Variants in GPHN observed in about 807,000 individuals in gnomAD.
GPHN encodes the protein gephyrin.
A neutral mutation model predicts 95.5 loss-of-function variants in GPHN; 17 were observed. The ratio of observed to expected loss-of-function variants is 0.18; its 90% CI spans 0.12 to 0.27. The LOEUF is 0.27. Among genes scored for constraint, GPHN ranks in the 10% least tolerant of loss-of-function variants. The pLI is 1.00. For missense variants in GPHN, 660 were observed against 978.1 expected, an observed-to-expected ratio of 0.67 and a Z score of 4.34; for synonymous variants, 320 against 322.5, an observed-to-expected ratio of 0.99 and a Z score of 0.08.
chr14:66,634,606 C>T (rs2064000377), intron 1 of GPHN, among the ~76,000 whole-genome samples: 2 of 152,030 alleles, frequency 1.3e-5, no homozygotes, highest in African/African-American at 4.8e-5. Flanking sequence ...CCCTCGCATC[C>T]CTGGGCCGGG....
the GPHN span, among the ~76,000 whole-genome samples, chr14:67,210,613 T>A: frequency 6.6e-6 from 1 of 152,200 alleles, no homozygotes; most frequent in Non-Finnish European, 1.5e-5. Context: ...TATTGATAGA[T>A]GTTTCTATTA....
At position 67,165,213 on chromosome 14, in the gene GPHN, C is replaced by G. The variant is rs750415918; in HGVS notation, c.1962C>G (p.Ile654Met). 1 of 1,601,492 alleles carries G rather than the reference C, an allele frequency of 6.2e-7. No homozygotes were observed. The highest frequency in any genetic ancestry group is 2.2e-5 in the East Asian group (1 of 44,772). Residue 654 changes from isoleucine (I) to methionine (M), a missense_variant, in exon 20 of 23, where the codon ATC becomes ATG. Around this residue, in one of 6 missense-constraint regions of GPHN, gnomAD observed 257 missense variants for 376.2 expected, o/e 0.68. Coordinates refer to ENST00000478722, the MANE Select transcript of GPHN (RefSeq NM_020806.5). ...TLDIDGVRKIIFALPGNPVSA... is the reference protein window; with the variant it reads ...TLDIDGVRKIMFALPGNPVSA... ...ATATTGATGGTGTAAGAAAAATAAT[C>G]TTTGCACTACCTGGTAAGAATAACA...
the GPHN span, chr14:67,387,478 A>T: frequency 6.3e-7 from 1 of 1,596,442 alleles, no homozygotes; most frequent in East Asian, 2.3e-5. Flanking sequence ...AAAGGGGGAA[A>T]AAAATCAGTG....
chr14:66,540,976 C>A (rs1358384992), intron 1 of GPHN, among the ~76,000 whole-genome samples: 3 of 151,548 alleles, frequency 2.0e-5, no homozygotes, highest in African/African-American at 7.3e-5. Context: ...GAGACGGAGT[C>A]TCCCACTGTC....
At chr14:66,879,826 AG>A (rs1254074959) in intron 4 of GPHN, 112 bp from the exon 5 acceptor site, 3 of 729,428 alleles carry the variant, frequency 4.1e-6, no homozygotes, top group East Asian at 2.7e-5. Context: ...AGAAACTAAA[AG>A]TATGGTTATT....
chr14:67,570,083 G>C, the GPHN span: 6 of 1,076,840 alleles, frequency 5.6e-6, no homozygotes, highest in Admixed American at 5.9e-5. Context: ...CCAATGACTG[G>C]GGCGGGGCTC....
At chr14:66,609,041 T>G (rs1172204289) in intron 1 of GPHN, among the ~76,000 whole-genome samples, 1 of 152,116 alleles carries the variant, frequency 6.6e-6, no homozygotes, top group Non-Finnish European at 1.5e-5. Flanking sequence ...TAGCTGGTTG[T>G]TTTGTAGAGT....
At chr14:66,810,645 G>A (rs1595980654) in intron 3 of GPHN, among the ~76,000 whole-genome samples, 1 of 152,076 alleles carries the variant, frequency 6.6e-6, no homozygotes. Flanking sequence ...GTAGTAATAT[G>A]ATTTGGCCGA....
intron 1 of GPHN, among the ~76,000 whole-genome samples, chr14:66,642,505 A>G (rs188927025): frequency 4.6e-5 from 7 of 152,058 alleles, no homozygotes; most frequent in Non-Finnish European, 1.0e-4. Flanking sequence ...TGTGAAGTAG[A>G]ATCTTTACTG....
At chr14:66,531,965 AGT>A (rs1472373437) in intron 1 of GPHN, among the ~76,000 whole-genome samples, 1 of 152,212 alleles carries the variant, frequency 6.6e-6, no homozygotes, top group Non-Finnish European at 1.5e-5. Flanking sequence ...AGCTGTAGAC[AGT>A]GTATAAATGA....
rs1180865105 is a variant in GPHN, at chr14:66,615,474, T to C, written c.65-65633T>C. On this transcript the variant is annotated intron_variant, in intron 1 of 22. Transcript: ENST00000478722. ...TCTCTGATGGTCAGTGGTGTTGAGCTTTTTTTTTTTTTTTTGTATGTTTGT... is the reference window on the plus strand; with the variant it reads ...TCTCTGATGGTCAGTGGTGTTGAGCCTTTTTTTTTTTTTTTGTATGTTTGT... 2.6e-4 allele frequency among the ~76,000 whole-genome samples: 11 copies of C among 42,798 alleles called. No individual in the cohort carries two copies. In the East Asian group the frequency reaches 9.0e-3, roughly 35 times the overall value. 28.1% of individuals were successfully genotyped at this position (42,798 alleles called of 152,430 possible). A position where few individuals can be genotyped will look rare whatever the true frequency, so the allele number is the denominator to read the frequency against.
intron 1 of GPHN, among the ~76,000 whole-genome samples, chr14:66,573,211 A>G (rs550807273): frequency 1.3e-5 from 2 of 152,158 alleles, no homozygotes; most frequent in African/African-American, 2.4e-5. Flanking sequence ...GTGAGGTCCA[A>G]TTTGGTCCAT....
At chr14:66,629,243 AAC>A (rs1481445373) in intron 1 of GPHN, among the ~76,000 whole-genome samples, 4 of 146,878 alleles carry the variant, frequency 2.7e-5, no homozygotes, top group Non-Finnish European at 4.5e-5. Flanking sequence ...ATAAATATAA[AAC>A]ACACGTGTGT....
intron 4 of GPHN, among the ~76,000 whole-genome samples, chr14:66,846,986 T>A (rs1021100858): frequency 3.9e-5 from 6 of 152,186 alleles, no homozygotes; most frequent in Non-Finnish European, 8.8e-5. Flanking sequence ...CATTAGTTTT[T>A]CTTACGGATT....
the GPHN span, chr14:67,323,638 C>G: frequency 2.4e-6 from 1 of 416,278 alleles, no homozygotes; most frequent in Non-Finnish European, 4.2e-6. Context: ...ATATATATAT[C>G]AGTATTATTA....
intron 5 of GPHN, among the ~76,000 whole-genome samples, chr14:66,903,337 C>T (rs1419209739): frequency 6.6e-6 from 1 of 152,146 alleles, no homozygotes; most frequent in Non-Finnish European, 1.5e-5. Flanking sequence ...ACCTCTTTAT[C>T]ATTATATAAT....
the GPHN span, chr14:67,660,180 T>G: frequency 7.0e-5 from 24 of 344,998 alleles, no homozygotes; most frequent in East Asian, 1.3e-3. Flanking sequence ...ACTTTATAGC[T>G]TACTAAACAC....
the GPHN span, among the ~76,000 whole-genome samples, chr14:67,258,592 T>C: frequency 6.6e-6 from 1 of 152,230 alleles, no homozygotes; most frequent in East Asian, 1.9e-4. Flanking sequence ...TGCCTATATT[T>C]TGTACTTTAT....
chr14:66,785,100 G>T (rs1015597783), intron 3 of GPHN, among the ~76,000 whole-genome samples: 1 of 152,206 alleles, frequency 6.6e-6, no homozygotes, highest in African/African-American at 2.4e-5. Flanking sequence ...GGGCACAGTG[G>T]CTTACGCCTG....
Sources: gnomAD v4.1 joint callset for allele counts (sites outside exome capture counted in the v4.1 genomes callset) on GRCh38, gnomAD v4.1.1 for gene constraint, gnomAD v4.1.1 regional missense constraint, MANE v1.5 for transcripts, NCBI Gene and HGNC (gene_info 2026-07-23, HGNC 2026-07-21) for gene names.